Variants in BAIAP2 observed in about 807,000 individuals in gnomAD.
BAIAP2 encodes BAR/IMD domain containing adaptor protein 2, also known as BAR/IMD domain-containing adapter protein 2.
Under a neutral mutation model 63.0 loss-of-function variants are expected in BAIAP2, and 18 were observed. The ratio of observed to expected loss-of-function variants is 0.29; its 90% CI spans 0.20 to 0.42. BAIAP2 has a LOEUF of 0.42. Ranked by LOEUF, BAIAP2 falls within the 10% of genes least tolerant of loss-of-function variation. The pLI is 1.00. For missense variants in BAIAP2, 610 were observed against 734.3 expected, an observed-to-expected ratio of 0.83 and a Z score of 1.96; for synonymous variants, 386 against 307.6, an observed-to-expected ratio of 1.25 and a Z score of -2.67.
chr17:81,106,011 T>C lies in BAIAP2; in HGVS notation c.1269-67T>C. ...GGAGCTAGAGGGACTTGTGCATGGATGGTGGTCGGTGGGGGATGGGGAGCC... is the reference window on the plus strand; with the variant it reads ...GGAGCTAGAGGGACTTGTGCATGGACGGTGGTCGGTGGGGGATGGGGAGCC... On this transcript the variant is annotated intron_variant, in intron 10 of 13. Coordinates refer to ENST00000428708, the MANE Select transcript of BAIAP2 (RefSeq NM_001144888.2). The C allele has an allele frequency of 2.1e-6, 3 of 1,398,490 alleles. No individual in the cohort carries two copies. The South Asian group carries it at 3.7e-5, about 17-fold the overall frequency. 86.6% of individuals were successfully genotyped at this position (1,398,490 alleles called of 1,614,324 possible). A position where few individuals can be genotyped will look rare whatever the true frequency, so the allele number is the denominator to read the frequency against.
intron 3 of BAIAP2, among the ~76,000 whole-genome samples, chr17:81,060,349 C>T (rs2050335045): frequency 6.6e-6 from 1 of 152,202 alleles, no homozygotes; most frequent in East Asian, 1.9e-4. Flanking sequence ...GCAGTCCCTC[C>T]CTCATCCCCA....
Position 81,115,903 on chromosome 17 carries a change from G to A in BAIAP2, c.*64G>A. 1 of 1,601,586 alleles carries A rather than the reference G, an allele frequency of 6.2e-7. No homozygotes were observed. The highest frequency in any genetic ancestry group is 8.5e-7 in the Non-Finnish European group (1 of 1,174,564). ...CCGCCCTTCCCATGTAGCCTGTTCT[G>A]TCATCATCTGTGCGTTCCTGTGTAG... On this transcript the variant is annotated 3_prime_UTR_variant, in exon 14 of 14. Coordinates refer to ENST00000428708, the MANE Select transcript of BAIAP2 (RefSeq NM_001144888.2).
intron 1 of BAIAP2, among the ~76,000 whole-genome samples, chr17:81,050,564 C>A (rs560713752): frequency 4.6e-5 from 7 of 152,154 alleles, no homozygotes; most frequent in Non-Finnish European, 1.0e-4. Context: ...CTCTTCCACC[C>A]GGGGGCCTGT....
At chr17:81,064,814 T>C (rs542675274) in intron 3 of BAIAP2, among the ~76,000 whole-genome samples, 1 of 152,294 alleles carries the variant, frequency 6.6e-6, no homozygotes, top group Admixed American at 6.5e-5. Flanking sequence ...AGAGACTGTT[T>C]TTTCCCTGCA....
chr17:81,100,174 C>T (rs533890402), intron 7 of BAIAP2, 94 bp downstream of exon 7: 181 of 1,432,640 alleles, frequency 1.3e-4, no homozygotes, highest in Admixed American at 6.0e-4. Context: ...GTGAACACAC[C>T]GGGGCAGTGT....
intron 6 of BAIAP2, among the ~76,000 whole-genome samples, chr17:81,092,878 C>T (rs368389248): frequency 2.0e-5 from 3 of 152,262 alleles, no homozygotes; most frequent in Non-Finnish European, 2.9e-5. Context: ...AGTGTGTCCG[C>T]GGGGCGTGGT....
chr17:81,035,389 G>A (rs1274571449), intron 1 of BAIAP2, 81 bp downstream of exon 1: 52 of 858,964 alleles, frequency 6.1e-5, no homozygotes, highest in Non-Finnish European at 7.2e-5. Context: ...AGCCCGACCA[G>A]GGCGGCCCCG....
At chr17:81,070,305 G>A (rs939459503) in intron 3 of BAIAP2, among the ~76,000 whole-genome samples, 20 of 152,336 alleles carry the variant, frequency 1.3e-4, no homozygotes, top group Admixed American at 2.6e-4. Flanking sequence ...AAAGGAACAG[G>A]CCCTGCTCCA....
chr17:81,091,998 C>G (rs12603110), intron 6 of BAIAP2, among the ~76,000 whole-genome samples: 27,190 of 152,314 alleles, frequency 0.18, 2,614 homozygotes, highest in Middle Eastern at 0.33. Context: ...TACAGGGCCC[C>G]CCACCTCAGC....
At chr17:81,078,393 TTGGG>T (rs2054049365) in intron 3 of BAIAP2, among the ~76,000 whole-genome samples, 1 of 144,766 alleles carries the variant, frequency 6.9e-6, no homozygotes, top group Non-Finnish European at 1.5e-5. Flanking sequence ...GGGTGCCGTA[TTGGG>T]TGGGAGCCGG....
rs150245439 is a variant in BAIAP2, at chr17:81,094,122, G to A, written c.490-5806G>A. On this transcript the variant is annotated intron_variant, in intron 6 of 13. Transcript: ENST00000428708. ...CGGGGCCAGGGCAGCCAGGGGTCGG[G>A]CACTCTGCTTCCCCAAGCCTCAGGG... Among the ~76,000 whole-genome samples, 1,389 of 152,192 alleles carry A rather than the reference G, an allele frequency of 9.1e-3. 11 individuals are homozygous for A. Among genetic ancestry groups the A allele is most frequent in the Non-Finnish European group, 0.013 (881 of 67,992 alleles).
intron 3 of BAIAP2, among the ~76,000 whole-genome samples, chr17:81,059,519 A>G (rs1386261438): frequency 6.6e-6 from 1 of 152,212 alleles, no homozygotes; most frequent in Admixed American, 6.5e-5. Context: ...ATCGTGGCTC[A>G]CTGTGGCCTT....
chr17:81,108,744 CCT>C, intron 13 of BAIAP2: 2 of 886,256 alleles, frequency 2.3e-6, no homozygotes, highest in Non-Finnish European at 3.4e-6. Flanking sequence ...CCCATCCATC[CCT>C]GTCAGGCAAG....
chr17:81,116,354 A>G lies in BAIAP2; in HGVS notation c.*515A>G. Reference sequence around the variant, plus strand: ...CTGCAGGTCCGGCAGCTACACCTGGAGTGTGGGGCCTGGTCCCTCCCCATG... The same window carrying G: ...CTGCAGGTCCGGCAGCTACACCTGGGGTGTGGGGCCTGGTCCCTCCCCATG... On this transcript the variant is annotated 3_prime_UTR_variant, in exon 14 of 14. Coordinates refer to ENST00000428708, the MANE Select transcript of BAIAP2 (RefSeq NM_001144888.2). The G allele has an allele frequency of 1.9e-6, 3 of 1,607,440 alleles. No homozygotes were observed. The highest frequency in any genetic ancestry group is 2.5e-6 in the Non-Finnish European group (3 of 1,176,978).
At chr17:81,075,299 C>CTCCCCATCCCT (rs996040728) in intron 3 of BAIAP2, among the ~76,000 whole-genome samples, 4 of 152,248 alleles carry the variant, frequency 2.6e-5, no homozygotes, top group African/African-American at 9.6e-5. Flanking sequence ...CCTCACCTCC[C>CTCCCCATCCCT]TCCCCATCCC....
At chr17:81,086,283 G>T (rs904872117) in intron 5 of BAIAP2, among the ~76,000 whole-genome samples, 160 bp from the exon 6 acceptor site, 17 of 152,194 alleles carry the variant, frequency 1.1e-4, no homozygotes, top group Non-Finnish European at 2.2e-4. Context: ...CTGATTTGCA[G>T]CTGAGCATGC....
chr17:81,103,952 G>A lies in BAIAP2; in HGVS notation c.910G>A (p.Gly304Ser), dbSNP rs944066804. 1 of 1,612,930 alleles carries A rather than the reference G, an allele frequency of 6.2e-7. No individual in the cohort carries two copies. The highest frequency in any genetic ancestry group is 8.5e-7 in the Non-Finnish European group (1 of 1,180,036). ...ESTPIMNGVT[G>S]PDGEDYSPWA... is the part of the protein sequence containing the mutation. Reference sequence around the variant, plus strand: ...CACACCCATCATGAACGGCGTCACAGGCCCGGATGGCGAGGACTACAGCCC... The same window carrying A: ...CACACCCATCATGAACGGCGTCACAAGCCCGGATGGCGAGGACTACAGCCC... Residue 304 changes from glycine to serine, a missense_variant, in exon 9 of 14, where the codon GGC (glycine) becomes AGC (serine). This residue lies in a region of BAIAP2 where 389 missense variants were observed against 455.6 expected (regional missense o/e 0.85). Coordinates refer to ENST00000428708, the MANE Select transcript of BAIAP2 (RefSeq NM_001144888.2).
At chr17:81,112,656 C>A (rs889642007) in intron 13 of BAIAP2, among the ~76,000 whole-genome samples, 6 of 152,200 alleles carry the variant, frequency 3.9e-5, no homozygotes, top group African/African-American at 1.2e-4. Context: ...AGGTGCTGTC[C>A]GCCCGGCTCT....
intron 13 of BAIAP2, chr17:81,110,313 G>C: frequency 1.0e-6 from 1 of 986,274 alleles, no homozygotes; most frequent in Non-Finnish European, 1.2e-6. Flanking sequence ...CTTCCGCGCC[G>C]GCGTTCCCGC....
Sources: gnomAD v4.1 joint callset for allele counts (sites outside exome capture counted in the v4.1 genomes callset) on GRCh38, gnomAD v4.1.1 for gene constraint, gnomAD v4.1.1 regional missense constraint, MANE v1.5 for transcripts, NCBI Gene and HGNC (gene_info 2026-07-23, HGNC 2026-07-21) for gene names.